The following LAMTOR3 variants were observed in gnomAD, a reference collection of about 807,000 sequenced individuals.
LAMTOR3 encodes late endosomal/lysosomal adaptor, MAPK and MTOR activator 3.
LAMTOR3 carries 14 observed loss-of-function variants against 20.3 expected under a neutral mutation model. The ratio of observed to expected loss-of-function variants is 0.69; its 90% CI spans 0.46 to 1.08. The LOEUF is 1.08. Ranked by LOEUF, LAMTOR3 falls within the 50% of genes least tolerant of loss-of-function variation. The pLI, the probability that LAMTOR3 is intolerant of heterozygous loss-of-function variation, is 0.00. For synonymous variants in LAMTOR3, 40 were observed against 49.4 expected (o/e 0.81, Z 0.80); for missense variants, 125 against 143.7 (o/e 0.87, Z 0.67).
intron 4 of LAMTOR3, 77 bp downstream of exon 4, chr4:99,887,218 TG>T: frequency 2.3e-6 from 2 of 867,490 alleles, no homozygotes; most frequent in Non-Finnish European, 3.6e-6. Flanking sequence ...GTTTGCCTGC[TG>T]TACTACTCAG....
At chr4:99,894,132 G>A (rs1725077842) in intron 1 of LAMTOR3, 132 bp from the exon 2 acceptor site, 1 of 512,754 alleles carries the variant, frequency 2.0e-6, no homozygotes, top group African/African-American at 1.9e-5. Context: ...GGCCCAGCGA[G>A]CCCAGTGGGA....
In LAMTOR3 at chr4:99,889,794, A is replaced by G. The variant is rs1446504299; in HGVS notation, c.44+2206T>C. Among the ~76,000 whole-genome samples, 4 of 152,216 alleles carry G rather than the reference A, an allele frequency of 2.6e-5. No individual in the cohort carries two copies. In the South Asian group the frequency reaches 8.3e-4, roughly 32 times the overall value. On this transcript the variant is annotated intron_variant, in intron 3 of 6. Transcript: ENST00000499666. ...AAAAAGCAGGTAAAAAGAGGACCACAAAAATGTTTAGAAAAATTAGTGCCA... is the reference window on the plus strand; with the variant it reads ...AAAAAGCAGGTAAAAAGAGGACCACGAAAATGTTTAGAAAAATTAGTGCCA...
intron 3 of LAMTOR3, among the ~76,000 whole-genome samples, chr4:99,889,351 C>T (rs1724983300): frequency 6.6e-6 from 1 of 152,100 alleles, no homozygotes; most frequent in South Asian, 2.1e-4. Context: ...TAAAGCATTA[C>T]AAATCCAACT....
At chr4:99,889,578 T>C (rs951812604) in intron 3 of LAMTOR3, among the ~76,000 whole-genome samples, 2 of 152,238 alleles carry the variant, frequency 1.3e-5, no homozygotes, top group Non-Finnish European at 2.9e-5. Context: ...ATGTTGTGTG[T>C]ATAAATACGT....
Position 99,887,365 on chromosome 4 carries a change from A to T in LAMTOR3, c.45-11T>A, listed in dbSNP as rs748873326. On this transcript the variant is annotated splice_polypyrimidine_tract_variant and intron_variant, in intron 3 of 6. Coordinates refer to ENST00000499666, the MANE Select transcript of LAMTOR3 (RefSeq NM_021970.4). Reference sequence around the variant, plus strand: ...TGGAGCCCTTCAACACTAGAAAAAGAAAATAGTTAAAATATAAAAAAAGTT... The same window carrying T: ...TGGAGCCCTTCAACACTAGAAAAAGTAAATAGTTAAAATATAAAAAAAGTT... 2 of 1,228,108 alleles carry T rather than the reference A, an allele frequency of 1.6e-6. No homozygotes were observed. The highest frequency in any genetic ancestry group is 2.2e-6 in the Non-Finnish European group (2 of 915,150). The allele number at this position is 1,228,108 out of a possible 1,614,324, so 76.1% of individuals were successfully genotyped here. A position where few individuals can be genotyped will look rare whatever the true frequency, so the allele number is the denominator to read the frequency against.
rs61639504 is a variant in LAMTOR3, at chr4:99,890,408, A to T, written c.44+1592T>A. Among the ~76,000 whole-genome samples, 258 of 152,346 alleles carry T rather than the reference A, an allele frequency of 1.7e-3. 1 individual carries two copies. Among genetic ancestry groups the T allele is most frequent in the African/African-American group, 6.0e-3 (250 of 41,568 alleles). ...CCGTAGCTGGCTGACTTTGTTACTGAGAGGCACTGAGGTACAACAGTTAAA... is the reference window on the plus strand; with the variant it reads ...CCGTAGCTGGCTGACTTTGTTACTGTGAGGCACTGAGGTACAACAGTTAAA... On this transcript the variant is annotated intron_variant, in intron 3 of 6. Coordinates refer to ENST00000499666, the MANE Select transcript of LAMTOR3 (RefSeq NM_021970.4).
At chr4:99,885,505 C>T (rs771848135) in intron 5 of LAMTOR3, 37 bp downstream of exon 5, 7 of 1,537,120 alleles carry the variant, frequency 4.6e-6, no homozygotes, top group Non-Finnish European at 6.1e-6. Context: ...AAAATGACAA[C>T]TGAAATCAGC....
At chr4:99,882,164 AG>A in intron 6 of LAMTOR3, 97 bp from the exon 7 acceptor site, 1 of 701,552 alleles carries the variant, frequency 1.4e-6, no homozygotes, top group Non-Finnish European at 2.4e-6. Flanking sequence ...AGTTACCAAA[AG>A]TAAATCAGAA....
rs985964140 is a variant in LAMTOR3, at chr4:99,879,636, C to T, written c.*2358G>A. On this transcript the variant is annotated 3_prime_UTR_variant, in exon 7 of 7. Coordinates refer to ENST00000499666, the MANE Select transcript of LAMTOR3 (RefSeq NM_021970.4). ...AACAATTAACTACAGTCATGTGTTA[C>T]GTAACAATGTGGATACATTTCGAGA... The T allele has an allele frequency of 5.9e-5, 9 of 151,998 alleles. No individual in the cohort carries two copies. Among genetic ancestry groups the T allele is most frequent in the Non-Finnish European group, 1.3e-4 (9 of 68,010 alleles). 9.4% of individuals were successfully genotyped at this position (151,998 alleles called of 1,614,324 possible).
At chr4:99,893,218 T>A (rs925326004) in intron 2 of LAMTOR3, among the ~76,000 whole-genome samples, 10 of 152,090 alleles carry the variant, frequency 6.6e-5, no homozygotes, top group African/African-American at 2.4e-4. Context: ...CTTGCTATGT[T>A]GCCCAGGCTG....
At chr4:99,889,598 T>C (rs1333948305) in intron 3 of LAMTOR3, among the ~76,000 whole-genome samples, 1 of 152,210 alleles carries the variant, frequency 6.6e-6, no homozygotes, top group East Asian at 1.9e-4. Flanking sequence ...TGTATATACA[T>C]GTCTGCTCAT....
chr4:99,885,462 A>C (rs1272456084), intron 5 of LAMTOR3, 80 bp downstream of exon 5: 3 of 1,256,252 alleles, frequency 2.4e-6, no homozygotes, highest in Admixed American at 5.5e-5. Context: ...TGAGAACTAT[A>C]ACACAAACTA....
chr4:99,882,071 A>G lies in LAMTOR3; in HGVS notation c.302-4T>C, dbSNP rs1295966268. The G allele has an allele frequency of 6.5e-7, 1 of 1,546,210 alleles. No individual in the cohort carries two copies. On this transcript the variant is annotated splice_polypyrimidine_tract_variant and splice_region_variant and intron_variant, in intron 6 of 6. Coordinates refer to ENST00000499666, the MANE Select transcript of LAMTOR3 (RefSeq NM_021970.4). ...TTTTCTAGGCTGACAATTAGTCCTA[A>G]AATAAAGAGATTAAGAAAATTACAT...
At position 99,884,390 on chromosome 4, in the gene LAMTOR3, A is replaced by G. The variant is rs530773981; in HGVS notation, c.238-265T>C. 2.0e-5 allele frequency among the ~76,000 whole-genome samples: 3 copies of G among 152,322 alleles called. No homozygotes were observed. In the South Asian group the frequency reaches 6.2e-4, roughly 32 times the overall value. On this transcript the variant is annotated intron_variant, in intron 5 of 6. Coordinates refer to ENST00000499666, the MANE Select transcript of LAMTOR3 (RefSeq NM_021970.4). ...ACCATATCTTCATCTTTTTATCTCT[A>G]AAGCCCAACAGAATATCAATTACAT... is the stretch of plus-strand genomic sequence containing the variant.
chr4:99,889,308 T>A (rs969849936), intron 3 of LAMTOR3, among the ~76,000 whole-genome samples: 1 of 152,212 alleles, frequency 6.6e-6, no homozygotes, highest in Non-Finnish European at 1.5e-5. Flanking sequence ...AATTATTTTG[T>A]GCAGTTACCA....
intron 6 of LAMTOR3, among the ~76,000 whole-genome samples, chr4:99,883,003 G>A (rs1724856612): frequency 6.6e-6 from 1 of 151,964 alleles, no homozygotes; most frequent in South Asian, 2.1e-4. Flanking sequence ...GAACTCTCAA[G>A]GAAAGGGTCC....
intron 3 of LAMTOR3, among the ~76,000 whole-genome samples, chr4:99,889,984 G>T (rs1436715898): frequency 6.6e-6 from 1 of 151,916 alleles, no homozygotes; most frequent in Non-Finnish European, 1.5e-5. Context: ...TAGAAATCAG[G>T]TCACAAATAT....
rs1168081772 is a variant in LAMTOR3 at position 99,879,369 on chromosome 4, C to T, written c.*2625G>A. On this transcript the variant is annotated 3_prime_UTR_variant, in exon 7 of 7. Transcript: ENST00000499666. ...GGATAGTTTATCTATTATACCCCCTCAGAAATTTTAACAGTGGCAGCATTC... is the reference window on the plus strand; with the variant it reads ...GGATAGTTTATCTATTATACCCCCTTAGAAATTTTAACAGTGGCAGCATTC... The T allele has an allele frequency of 2.0e-5, 3 of 152,126 alleles. No individual in the cohort carries two copies. The highest frequency in any genetic ancestry group is 7.2e-5 in the African/African-American group (3 of 41,416). The allele number at this position is 152,126 out of a possible 1,614,324, so 9.4% of individuals were successfully genotyped here. A position where few individuals can be genotyped will look rare whatever the true frequency, so the allele number is the denominator to read the frequency against.
rs1468082743 is a variant in LAMTOR3, at chr4:99,878,347, TG to T, written c.*3646del. The T allele has an allele frequency of 6.6e-6, 1 of 152,236 alleles. No homozygotes were observed. The highest frequency in any genetic ancestry group is 1.5e-5 in the Non-Finnish European group (1 of 68,042). The allele number at this position is 152,236 out of a possible 1,614,324, so 9.4% of individuals were successfully genotyped here. A position where few individuals can be genotyped will look rare whatever the true frequency, so the allele number is the denominator to read the frequency against. Reference sequence around the variant, plus strand: ...ATATGTCCAACCGGTTCTGCTTCTTTGGAGAGCCCTGAGACAACTTTCTTCC... The same window carrying T: ...ATATGTCCAACCGGTTCTGCTTCTTTGAGAGCCCTGAGACAACTTTCTTCC... On this transcript the variant is annotated 3_prime_UTR_variant, in exon 7 of 7. Coordinates refer to ENST00000499666, the MANE Select transcript of LAMTOR3 (RefSeq NM_021970.4).
Sources: gnomAD v4.1 joint callset for allele counts (sites outside exome capture counted in the v4.1 genomes callset) on GRCh38, gnomAD v4.1.1 for gene constraint, MANE v1.5 for transcripts, NCBI Gene and HGNC (gene_info 2026-07-23, HGNC 2026-07-21) for gene names.